The following IREB2 variants were observed in gnomAD, a reference collection of about 807,000 sequenced individuals.
The protein encoded by IREB2 is iron responsive element binding protein 2, also known as iron-responsive element-binding protein 2.
A neutral mutation model predicts 118.8 loss-of-function variants in IREB2; 39 were observed. The observed-to-expected ratio is 0.33, with a 90% CI of 0.25 to 0.43. The LOEUF is 0.43. Ranked by LOEUF, IREB2 falls within the 20% of genes least tolerant of loss-of-function variation. The pLI is 1.00. For missense variants in IREB2, 900 were observed against 1,147.3 expected (o/e 0.78, Z 3.11); for synonymous variants, 372 against 392.2 (o/e 0.95, Z 0.61).
At position 78,490,511 on chromosome 15, in the gene IREB2, A is replaced by G. The variant is rs764892059; in HGVS notation, c.2166A>G (p.Ser722=). The change falls in exon 17 of 22, where the codon TCA becomes TCG. Residue 722 remains serine, a synonymous_variant. Transcript: ENST00000258886. The part of the protein sequence containing the change: ...DLKSTYIRCP[S]FFDKLTKEPI... The stretch of plus-strand genomic sequence containing the variant: ...AGTCTACTTATATCAGATGCCCTTC[A>G]TTTTTTGATAAACTTGTAAGTACTG... The G allele has an allele frequency of 6.2e-7, 1 of 1,604,724 alleles. No individual in the cohort carries two copies.
intron 1 of IREB2, 120 bp from the exon 2 acceptor site, chr15:78,439,675 A>C: frequency 1.6e-6 from 1 of 630,848 alleles, no homozygotes; most frequent in South Asian, 2.2e-5. Flanking sequence ...TGGACAGCTC[A>C]AACATAGAAT....
chr15:78,454,976 C>T (rs2051082922), intron 2 of IREB2, among the ~76,000 whole-genome samples: 1 of 151,996 alleles, frequency 6.6e-6, no homozygotes, highest in Non-Finnish European at 1.5e-5. Context: ...AGGCATGAGC[C>T]ACTGTGCCCA....
rs1401159614 is a variant in IREB2, at chr15:78,482,235, A to AAAT, written c.1297-1068_1297-1066dup. 2.5e-3 allele frequency among the ~76,000 whole-genome samples: 381 copies of AAAT among 152,248 alleles called. 6 individuals are homozygous for AAAT. Among genetic ancestry groups the AAAT allele is most frequent in the African/African-American group, 8.8e-3 (365 of 41,544 alleles). On this transcript the variant is annotated intron_variant, in intron 10 of 21. Transcript: ENST00000258886. ...ACAGAGTGAGACCCTTTCACAATAAAAATAATAATAATAATAAATAAATAC... is the reference window on the plus strand; with the variant it reads ...ACAGAGTGAGACCCTTTCACAATAAAAATAATAATAATAATAATAAATAAATAC...
intron 18 of IREB2, among the ~76,000 whole-genome samples, chr15:78,493,294 C>T (rs890699984): frequency 7.9e-5 from 12 of 152,114 alleles, no homozygotes; most frequent in Admixed American, 3.9e-4. Context: ...CCCATGTATA[C>T]CCAAATCCAC....
In IREB2 at chr15:78,438,244, C is replaced by G; in HGVS notation, c.-94C>G. On this transcript the variant is annotated 5_prime_UTR_variant, in exon 1 of 22. Coordinates refer to ENST00000258886, the MANE Select transcript of IREB2 (RefSeq NM_004136.4). ...CCTGCTTCCTTCTTTCCTCCCTTGC[C>G]AGTCCGCCTGTCTTCCTCCCCGTCT... 1 of 956,876 alleles carries G rather than the reference C, an allele frequency of 1.0e-6. No homozygotes were observed. The highest frequency in any genetic ancestry group is 1.4e-5 in the South Asian group (1 of 72,178). 59.3% of individuals were successfully genotyped at this position (956,876 alleles called of 1,614,324 possible).
At chr15:78,474,405 A>T (rs1169536486) in intron 8 of IREB2, 1 of 152,244 alleles carries the variant, frequency 6.6e-6, no homozygotes, top group East Asian at 1.9e-4. Context: ...AACGTATGAT[A>T]CCAAAAGATC....
chr15:78,497,030 T>G (rs1332203598), intron 20 of IREB2, 96 bp from the exon 21 acceptor site: 1 of 818,438 alleles, frequency 1.2e-6, no homozygotes, highest in East Asian at 2.5e-5. Context: ...CTAAAAGTAT[T>G]TAGAGAAAGG....
chr15:78,446,434 A>G (rs950287926), intron 2 of IREB2, among the ~76,000 whole-genome samples: 12 of 152,164 alleles, frequency 7.9e-5, no homozygotes, highest in African/African-American at 2.7e-4. Flanking sequence ...TTGTAATGAT[A>G]CAGCGCTCCC....
At chr15:78,470,689 CTTTTTT>C (rs67871183) in intron 6 of IREB2, 88 bp downstream of exon 6, 21 of 209,982 alleles carry the variant, frequency 1.0e-4, no homozygotes, top group Middle Eastern at 1.5e-3. Context: ...TTTTCTTTTC[CTTTTTT>C]TTTTTTTTTT....
intron 16 of IREB2, 21 bp downstream of exon 16, chr15:78,488,792 TTAAA>T (rs1274520658): frequency 1.5e-6 from 2 of 1,331,146 alleles, no homozygotes; most frequent in African/African-American, 1.5e-5. Context: ...TATGTGTTTC[TTAAA>T]TAGTTTAATC....
chr15:78,447,775 T>C lies in IREB2; in HGVS notation c.106+7894T>C, dbSNP rs566902290. On this transcript the variant is annotated intron_variant, in intron 2 of 21. Transcript: ENST00000258886. ...CATTATTCTGCTTTTCTTTTTCTCT[T>C]GGTTCTTTTTTGTTTCCATCTGTTT... is the stretch of plus-strand genomic sequence containing the variant. 7.9e-3 allele frequency among the ~76,000 whole-genome samples: 1,199 copies of C among 152,256 alleles called. 17 individuals are homozygous for C. The highest frequency in any genetic ancestry group is 0.027 in the African/African-American group (1,132 of 41,558).
chr15:78,438,301 T>C lies in IREB2; in HGVS notation c.-37T>C. On this transcript the variant is annotated 5_prime_UTR_variant, in exon 1 of 22. Transcript: ENST00000258886. ...CCCGGCCTCCCCCTTCTTCCCCCGC[T>C]GGCCCCCTCCCCGGAGGGATAATAT... 1.3e-6 allele frequency: 2 copies of C among 1,556,644 alleles called. No homozygotes were observed. The highest frequency in any genetic ancestry group is 1.9e-5 in the Admixed American group (1 of 53,026).
intron 18 of IREB2, 72 bp from the exon 19 acceptor site, chr15:78,493,837 G>T: frequency 7.0e-7 from 1 of 1,423,196 alleles, no homozygotes; most frequent in Non-Finnish European, 9.5e-7. Flanking sequence ...TTTTTCAATA[G>T]GTCTTACAGC....
chr15:78,473,232 A>G lies in IREB2; in HGVS notation c.884-10A>G. On this transcript the variant is annotated splice_polypyrimidine_tract_variant and intron_variant, in intron 7 of 21. Transcript: ENST00000258886. The stretch of plus-strand genomic sequence containing the variant: ...ATACTGTGCTAATATACCTGTCTTT[A>G]TTACGTTAGGGGTTGGAGGCATTGA... The G allele has an allele frequency of 6.2e-7, 1 of 1,612,258 alleles. No homozygotes were observed. Among genetic ancestry groups the G allele is most frequent in the Non-Finnish European group, 8.5e-7 (1 of 1,178,906 alleles).
At chr15:78,466,160 A>C in intron 4 of IREB2, 111 bp from the exon 5 acceptor site, 1 of 628,640 alleles carries the variant, frequency 1.6e-6, no homozygotes, top group Non-Finnish European at 2.7e-6. Flanking sequence ...ATTAGCCTTT[A>C]AACATCATTC....
intron 1 of IREB2, among the ~76,000 whole-genome samples, 196 bp from the exon 2 acceptor site, chr15:78,439,599 G>T (rs1369831613): frequency 6.6e-6 from 1 of 152,158 alleles, no homozygotes; most frequent in South Asian, 2.1e-4. Flanking sequence ...TAAAAATTCA[G>T]TTCCTCAGGC....
intron 2 of IREB2, among the ~76,000 whole-genome samples, chr15:78,449,217 AT>A (rs1175558597): frequency 6.6e-5 from 10 of 152,110 alleles, no homozygotes; most frequent in South Asian, 2.1e-4. Flanking sequence ...AATAAAAAAA[AT>A]TTTTTTAAGT....
At chr15:78,461,928 A>AG (rs2051204514) in intron 2 of IREB2, among the ~76,000 whole-genome samples, 1 of 152,194 alleles carries the variant, frequency 6.6e-6, no homozygotes, top group Non-Finnish European at 1.5e-5. Flanking sequence ...ACTCCCAATA[A>AG]GGAAGTACAG....
At chr15:78,453,081 A>G (rs2051051618) in intron 2 of IREB2, among the ~76,000 whole-genome samples, 1 of 152,236 alleles carries the variant, frequency 6.6e-6, no homozygotes, top group Admixed American at 6.5e-5. Context: ...GCTCCAGAGC[A>G]AGACGCTATC....
Sources: allele counts gnomAD v4.1 joint callset (sites outside exome capture counted in the v4.1 genomes callset), GRCh38; gene constraint gnomAD v4.1.1; transcripts MANE v1.5; gene names NCBI Gene and HGNC (gene_info 2026-07-23, HGNC 2026-07-21).